The following CFAP69 variants were observed in gnomAD, a reference collection of about 807,000 sequenced individuals.
The protein encoded by CFAP69 is cilia and flagella associated protein 69.
CFAP69 carries 92 observed loss-of-function variants against 123.0 expected under a neutral mutation model. The observed-to-expected ratio is 0.75, with a 90% CI of 0.63 to 0.89. The LOEUF (loss-of-function observed/expected upper bound fraction) is 0.89, where lower values mean the gene tolerates loss of function less well. Ranked by LOEUF, CFAP69 falls within the 40% of genes least tolerant of loss-of-function variation. CFAP69 has a pLI of 0.00. For synonymous variants in CFAP69, 380 were observed against 364.3 expected, an observed-to-expected ratio of 1.04 and a Z score of -0.49; for missense variants, 1,067 against 1,096.9, an observed-to-expected ratio of 0.97 and a Z score of 0.39.
downstream of CFAP69, among the ~76,000 whole-genome samples, chr7:90,313,448 G>A (rs1794494375): frequency 6.6e-6 from 1 of 152,144 alleles, no homozygotes; most frequent in Non-Finnish European, 1.5e-5. Flanking sequence ...GTACTATCAG[G>A]TCAAAATTCT....
chr7:90,306,282 T>C (rs1041706338), intron 19 of CFAP69, among the ~76,000 whole-genome samples: 1 of 152,184 alleles, frequency 6.6e-6, no homozygotes, highest in Non-Finnish European at 1.5e-5. Context: ...AGCACACTTC[T>C]GCTGCACAAC....
chr7:90,321,868 T>A, the CFAP69 span, among the ~76,000 whole-genome samples: 138 of 152,282 alleles, frequency 9.1e-4, no homozygotes, highest in Non-Finnish European at 1.8e-3. Flanking sequence ...TGTCCATCAA[T>A]CTCAGCCCCA....
At chr7:90,268,464 G>A (rs907492796) in intron 6 of CFAP69, 80 bp downstream of exon 6, 1 of 1,030,300 alleles carries the variant, frequency 9.7e-7, no homozygotes, top group African/African-American at 1.6e-5. Context: ...GAATTTGACA[G>A]ACACAGTGGG....
At chr7:90,283,530 A>G (rs1326821652) in intron 13 of CFAP69, among the ~76,000 whole-genome samples, 3 of 152,154 alleles carry the variant, frequency 2.0e-5, no homozygotes, top group African/African-American at 7.2e-5. Flanking sequence ...TGACTATGCT[A>G]GAAAAGAAAA....
chr7:90,270,599 A>G (rs1799808707), intron 6 of CFAP69, among the ~76,000 whole-genome samples: 1 of 152,146 alleles, frequency 6.6e-6, no homozygotes, highest in African/African-American at 2.4e-5. Flanking sequence ...AGCATTGGAC[A>G]GGGCCTTGTC....
intron 3 of CFAP69, among the ~76,000 whole-genome samples, chr7:90,260,351 C>T: frequency 6.6e-6 from 1 of 151,778 alleles, no homozygotes; most frequent in Non-Finnish European, 1.5e-5. Flanking sequence ...CATAGCAAGA[C>T]CCCATCTCTA....
chr7:90,260,624 T>C (rs1324084612), intron 3 of CFAP69, among the ~76,000 whole-genome samples: 2 of 152,244 alleles, frequency 1.3e-5, no homozygotes, highest in Admixed American at 6.5e-5. Flanking sequence ...AAAATGTTTC[T>C]TATAATTTAA....
At chr7:90,316,969 A>G in the CFAP69 span, 1 of 152,182 alleles carries the variant, frequency 6.6e-6, no homozygotes, top group Non-Finnish European at 1.5e-5. Context: ...TTTGAGCTTC[A>G]ATCATTTGCC....
chr7:90,318,124 A>C, the CFAP69 span: 4 of 152,210 alleles, frequency 2.6e-5, no homozygotes, highest in African/African-American at 9.6e-5. Context: ...TGCATTCAAA[A>C]AGTATTAATC....
intron 22 of CFAP69, 147 bp downstream of exon 22, chr7:90,309,514 CA>C (rs890636492): frequency 1.4e-4 from 55 of 404,932 alleles, no homozygotes; most frequent in Middle Eastern, 7.0e-4. Context: ...TAAAACTGTT[CA>C]AAAAAAATTT....
downstream of CFAP69, among the ~76,000 whole-genome samples, chr7:90,315,519 G>A (rs1027097436): frequency 2.0e-5 from 3 of 152,232 alleles, no homozygotes; most frequent in East Asian, 1.9e-4. Context: ...ACCGAATACC[G>A]CATGTTCTCA....
At chr7:90,269,880 G>C (rs1011469365) in intron 6 of CFAP69, among the ~76,000 whole-genome samples, 2 of 152,090 alleles carry the variant, frequency 1.3e-5, no homozygotes, top group Non-Finnish European at 2.9e-5. Flanking sequence ...CTAGAAGCTG[G>C]TAAGAAAGAA....
At chr7:90,288,769 T>TAGG (rs536468853) in intron 15 of CFAP69, among the ~76,000 whole-genome samples, 20 of 152,142 alleles carry the variant, frequency 1.3e-4, no homozygotes, top group Non-Finnish European at 2.6e-4. Context: ...ATGTGAAGGC[T>TAGG]AGGACCTTAT....
At chr7:90,304,131 A>C (rs769577067) in intron 18 of CFAP69, 25 bp downstream of exon 18, 50 of 1,541,124 alleles carry the variant, frequency 3.2e-5, no homozygotes, top group Non-Finnish European at 4.4e-5. Context: ...TCAAATTTGC[A>C]AGAGTCTGTT....
chr7:90,294,392 G>GA (rs1343321833), intron 15 of CFAP69, among the ~76,000 whole-genome samples: 2 of 152,094 alleles, frequency 1.3e-5, no homozygotes, highest in African/African-American at 4.8e-5. Context: ...TTACTTTTCT[G>GA]AAAAAATATT....
At chr7:90,284,082 A>T (rs184295255) in intron 13 of CFAP69, among the ~76,000 whole-genome samples, 1 of 152,168 alleles carries the variant, frequency 6.6e-6, no homozygotes, top group Non-Finnish European at 1.5e-5. Flanking sequence ...AATCTTTCAT[A>T]TGTCTAGGAA....
intron 2 of CFAP69, among the ~76,000 whole-genome samples, chr7:90,257,208 C>A (rs960338104): frequency 1.3e-5 from 2 of 152,104 alleles, no homozygotes; most frequent in Non-Finnish European, 2.9e-5. Flanking sequence ...ATTCAATGTA[C>A]TTTAGCTGTT....
chr7:90,292,576 C>A (rs536952860), intron 15 of CFAP69, among the ~76,000 whole-genome samples: 1 of 152,116 alleles, frequency 6.6e-6, no homozygotes, highest in Admixed American at 6.6e-5. Context: ...AGAACACTCA[C>A]GAATAGTTGT....
intron 21 of CFAP69, 75 bp from the exon 22 acceptor site, chr7:90,309,188 T>C: frequency 2.9e-6 from 2 of 692,092 alleles, no homozygotes; most frequent in African/African-American, 1.8e-5. Flanking sequence ...CAATTAAATA[T>C]GTTTTTCATT....
Sources: allele counts gnomAD v4.1 joint callset (sites outside exome capture counted in the v4.1 genomes callset), GRCh38; gene constraint gnomAD v4.1.1; transcripts MANE v1.5; gene names NCBI Gene and HGNC (gene_info 2026-07-23, HGNC 2026-07-21).